TMEM268: variants seen among roughly 807,000 people sequenced by gnomAD.
TMEM268 encodes transmembrane protein 268.
A neutral mutation model predicts 39.1 loss-of-function variants in TMEM268; 24 were observed. The ratio of observed to expected loss-of-function variants is 0.61; its 90% CI spans 0.44 to 0.86. The LOEUF (loss-of-function observed/expected upper bound fraction) is 0.86. TMEM268 is among the 40% of genes least tolerant of loss of function. The pLI, the probability that TMEM268 is intolerant of heterozygous loss-of-function variation, is 0.00. For missense variants in TMEM268, 409 were observed against 428.6 expected (o/e 0.95, Z 0.40); for synonymous variants, 176 against 173.5 (o/e 1.01, Z -0.12).
chr9:114,643,384 C>A lies in TMEM268; in HGVS notation c.*71C>A. 7.1e-7 allele frequency: 1 copy of A among 1,405,056 alleles called. No homozygotes were observed. The highest frequency in any genetic ancestry group is 1.0e-6 in the Non-Finnish European group (1 of 1,003,432). The allele number at this position is 1,405,056 out of a possible 1,614,324, so 87.0% of individuals were successfully genotyped here. A position where few individuals can be genotyped will look rare whatever the true frequency, so the allele number is the denominator to read the frequency against. On this transcript the variant is annotated 3_prime_UTR_variant, in exon 9 of 9. Coordinates refer to ENST00000288502, the MANE Select transcript of TMEM268 (RefSeq NM_153045.4). Reference sequence around the variant, plus strand: ...GAAGGCTTCAGGAGCCCAAGATGGCCAATGGGGAGCCCCAGGTGAGGAGAG... The same window carrying A: ...GAAGGCTTCAGGAGCCCAAGATGGCAAATGGGGAGCCCCAGGTGAGGAGAG...
chr9:114,606,609 C>T (rs536117319), upstream of TMEM268, among the ~76,000 whole-genome samples: 43 of 152,298 alleles, frequency 2.8e-4, no homozygotes, highest in African/African-American at 1.0e-3. Context: ...ATCTAATTTT[C>T]CTACCATCTC....
intron 6 of TMEM268, among the ~76,000 whole-genome samples, chr9:114,634,567 G>C (rs1431601240): frequency 6.6e-6 from 1 of 152,168 alleles, no homozygotes; most frequent in Non-Finnish European, 1.5e-5. Context: ...GAACTCTCCT[G>C]TTCCTCCATC....
chr9:114,611,172 TCTGGA>T (rs1315467995), upstream of TMEM268: 1 of 152,330 alleles, frequency 6.6e-6, no homozygotes, highest in Non-Finnish European at 1.5e-5. Flanking sequence ...GGGCTGGACC[TCTGGA>T]GTAAGCCGCT....
At chr9:114,642,138 TTTCCTC>T (rs2133724713) in intron 8 of TMEM268, among the ~76,000 whole-genome samples, 1 of 152,240 alleles carries the variant, frequency 6.6e-6, no homozygotes, top group African/African-American at 2.4e-5. Context: ...TGCAGAATGT[TTTCCTC>T]TTCCCAAATT....
chr9:114,609,554 A>G (rs1332436423), upstream of TMEM268, among the ~76,000 whole-genome samples: 2 of 151,386 alleles, frequency 1.3e-5, no homozygotes, highest in African/African-American at 4.9e-5. Flanking sequence ...GAGTGGTGGC[A>G]TGCACTTTTA....
Position 114,617,246 on chromosome 9 carries a change from C to G in TMEM268, c.51C>G (p.Pro17=). The change falls in exon 2 of 9, where the codon CCC becomes CCG. Residue 17 remains proline, a synonymous_variant. Coordinates refer to ENST00000288502, the MANE Select transcript of TMEM268 (RefSeq NM_153045.4). ...VDPGATGPLP[P]SSPGWSALPG... ...CGGGGGCCACTGGCCCATTGCCCCC[C>G]TCCTCCCCTGGCTGGAGTGCCCTGC... is the stretch of plus-strand genomic sequence containing the variant. The G allele has an allele frequency of 6.2e-7, 1 of 1,613,146 alleles. No individual in the cohort carries two copies. The highest frequency in any genetic ancestry group is 1.1e-5 in the South Asian group (1 of 90,976).
chr9:114,616,742 C>T (rs1845730441), intron 1 of TMEM268, among the ~76,000 whole-genome samples: 1 of 151,970 alleles, frequency 6.6e-6, no homozygotes, highest in Non-Finnish European at 1.5e-5. Context: ...AAACAAGACT[C>T]CCTGTAATGA....
rs1008133234 is a variant in TMEM268, at chr9:114,611,552, G to A, written c.-91G>A. 64 of 167,814 alleles carry A rather than the reference G, an allele frequency of 3.8e-4. No homozygotes were observed. The highest frequency in any genetic ancestry group is 1.0e-3 in the South Asian group (6 of 6,028). 10.4% of individuals were successfully genotyped at this position (167,814 alleles called of 1,614,324 possible). A position where few individuals can be genotyped will look rare whatever the true frequency, so the allele number is the denominator to read the frequency against. ...CCGGGGTGGCGGCGGCGGCGGCGGCGGCGGCGCGGGCGGTGAGTGTGCGCG... is the reference window on the plus strand; with the variant it reads ...CCGGGGTGGCGGCGGCGGCGGCGGCAGCGGCGCGGGCGGTGAGTGTGCGCG... On this transcript the variant is annotated 5_prime_UTR_variant, in exon 1 of 9. Transcript: ENST00000288502.
intron 4 of TMEM268, 23 bp from the exon 5 acceptor site, chr9:114,628,078 G>GCT (rs1019297669): frequency 3.7e-6 from 6 of 1,610,214 alleles, no homozygotes; most frequent in African/African-American, 1.3e-5. Context: ...TCCTGACCAT[G>GCT]CTCTCTGTCT....
At chr9:114,632,463 C>T (rs1486962706) in intron 5 of TMEM268, among the ~76,000 whole-genome samples, 1 of 152,150 alleles carries the variant, frequency 6.6e-6, no homozygotes, top group Non-Finnish European at 1.5e-5. Context: ...GTCTGAAAGT[C>T]CTCTTGTGCT....
At chr9:114,636,328 C>A (rs1846632159) in intron 6 of TMEM268, among the ~76,000 whole-genome samples, 1 of 152,094 alleles carries the variant, frequency 6.6e-6, no homozygotes, top group Admixed American at 6.6e-5. Flanking sequence ...GGTGTCAGCT[C>A]TGAAGGGTTT....
At chr9:114,629,942 C>T (rs7866831) in intron 5 of TMEM268, among the ~76,000 whole-genome samples, 104,535 of 152,118 alleles carry the variant, frequency 0.69, 36,088 homozygotes, top group Non-Finnish European at 0.72. Flanking sequence ...TGTGTTTGGC[C>T]TATAAAACAA....
At position 114,629,570 on chromosome 9, in the gene TMEM268, C is replaced by T. The variant is rs74759251; in HGVS notation, c.474+1320C>T. ...ATAAATTTCATCGGTGGCTTTAACT[C>T]CCCTTTGCTGTGTAACAACATTTGC... On this transcript the variant is annotated intron_variant, in intron 5 of 8. Transcript: ENST00000288502. Among the ~76,000 whole-genome samples, 40 of 152,326 alleles carry T rather than the reference C, an allele frequency of 2.6e-4. No homozygotes were observed. In the East Asian group the frequency reaches 6.6e-3, roughly 25 times the overall value.
In TMEM268 at chr9:114,617,154, A is replaced by T. The variant is rs200569038; in HGVS notation, c.-42A>T. The T allele has an allele frequency of 8.7e-5, 116 of 1,339,626 alleles. No homozygotes were observed. The highest frequency in any genetic ancestry group is 1.1e-4 in the Non-Finnish European group (108 of 953,192). The allele number at this position is 1,339,626 out of a possible 1,614,324, so 83.0% of individuals were successfully genotyped here. On this transcript the variant is annotated 5_prime_UTR_variant, in exon 2 of 9. Transcript: ENST00000288502. ...TGAGCTGGCTGCTCCAGAATGAACCACAGCTCTGAGAAGGGGAAGTAGAAA... is the reference window on the plus strand; with the variant it reads ...TGAGCTGGCTGCTCCAGAATGAACCTCAGCTCTGAGAAGGGGAAGTAGAAA...
At chr9:114,629,357 C>T (rs965464887) in intron 5 of TMEM268, among the ~76,000 whole-genome samples, 5 of 152,262 alleles carry the variant, frequency 3.3e-5, no homozygotes, top group Non-Finnish European at 7.3e-5. Context: ...TAGTGGTCCT[C>T]TGCATTCCTT....
At chr9:114,615,325 A>G (rs1845661077) in intron 1 of TMEM268, 2 of 152,252 alleles carry the variant, frequency 1.3e-5, no homozygotes, top group South Asian at 4.1e-4. Flanking sequence ...TGTGTCATCC[A>G]TTGATCCTTT....
chr9:114,639,764 A>G (rs1846809665), intron 8 of TMEM268, among the ~76,000 whole-genome samples: 1 of 150,692 alleles, frequency 6.6e-6, no homozygotes, highest in African/African-American at 2.4e-5. Flanking sequence ...TCGTGCCTGT[A>G]ATCCCAGCAC....
At chr9:114,642,639 TTTTTAA>T (rs1243522260) in intron 8 of TMEM268, among the ~76,000 whole-genome samples, 2 of 152,102 alleles carry the variant, frequency 1.3e-5, no homozygotes, top group African/African-American at 4.8e-5. Context: ...TTAAAATATA[TTTTTAA>T]TTTTAATTTT....
At chr9:114,624,305 G>A in intron 2 of TMEM268, 45 bp from the exon 3 acceptor site, 4 of 1,559,130 alleles carry the variant, frequency 2.6e-6, no homozygotes, top group Non-Finnish European at 3.5e-6. Flanking sequence ...CACGAGCCTG[G>A]TATGGTTATC....
Sources: allele counts gnomAD v4.1 joint callset (sites outside exome capture counted in the v4.1 genomes callset), GRCh38; gene constraint gnomAD v4.1.1; transcripts MANE v1.5; gene names NCBI Gene and HGNC (gene_info 2026-07-23, HGNC 2026-07-21).